RBPJ: variants seen among roughly 807,000 people sequenced by gnomAD.
The protein encoded by RBPJ is recombination signal binding protein for immunoglobulin kappa J region, also known as recombining binding protein suppressor of hairless.
In RBPJ, 9 loss-of-function variants were observed where a neutral mutation model predicts 67.8. The ratio of observed to expected loss-of-function variants is 0.13; its 90% CI spans 0.08 to 0.23. The LOEUF (loss-of-function observed/expected upper bound fraction) is 0.23, where lower values mean the gene tolerates loss of function less well. Among genes scored for constraint, RBPJ ranks in the 10% least tolerant of loss-of-function variants. The pLI is 1.00. For missense variants in RBPJ, 305 were observed against 595.6 expected, an observed-to-expected ratio of 0.51 and a Z score of 5.08; for synonymous variants, 198 against 203.3, an observed-to-expected ratio of 0.97 and a Z score of 0.22.
At chr4:26,293,487 T>G (rs1721745660) in intron 1 of RBPJ, among the ~76,000 whole-genome samples, 1 of 149,628 alleles carries the variant, frequency 6.7e-6, no homozygotes, top group Non-Finnish European at 1.5e-5. Context: ...TTTTTTTTAA[T>G]TAGCCAAGTC....
chr4:26,383,951 C>G (rs1326839618), intron 1 of RBPJ: 2 of 152,312 alleles, frequency 1.3e-5, no homozygotes, highest in Non-Finnish European at 1.5e-5. Context: ...CCTCGACTTC[C>G]TGGACTCAAG....
intron 1 of RBPJ, among the ~76,000 whole-genome samples, chr4:26,175,401 G>C (rs1199448530): frequency 1.3e-5 from 2 of 152,136 alleles, no homozygotes; most frequent in African/African-American, 4.8e-5. Context: ...GAGTCTGGGG[G>C]AGGCAGCAGG....
At chr4:26,428,886 T>C in intron 8 of RBPJ, 26 bp downstream of exon 8, 1 of 1,569,926 alleles carries the variant, frequency 6.4e-7, no homozygotes, top group Non-Finnish European at 8.8e-7. Context: ...ACTGGTGAAA[T>C]CTAAAATGTA....
intron 1 of RBPJ, among the ~76,000 whole-genome samples, chr4:26,250,407 C>T (rs1720072063): frequency 7.0e-6 from 1 of 142,398 alleles, no homozygotes. Context: ...TCTCGGCTTA[C>T]TGTAACCTCC....
intron 1 of RBPJ, among the ~76,000 whole-genome samples, chr4:26,173,925 G>A (rs1401963038): frequency 6.6e-6 from 1 of 152,172 alleles, no homozygotes; most frequent in Non-Finnish European, 1.5e-5. Flanking sequence ...GGAGAGGTGT[G>A]TACAAAGTAC....
the RBPJ span, among the ~76,000 whole-genome samples, chr4:26,153,225 T>C: frequency 6.6e-6 from 1 of 152,232 alleles, no homozygotes; most frequent in South Asian, 2.1e-4. Flanking sequence ...TTCCTGACTC[T>C]GAATGTAGAT....
At chr4:26,339,931 A>G (rs768983914) in intron 1 of RBPJ, among the ~76,000 whole-genome samples, 8 of 151,950 alleles carry the variant, frequency 5.3e-5, no homozygotes, top group Non-Finnish European at 1.0e-4. Flanking sequence ...AGGCAGGAGA[A>G]TTGCTTGAAC....
At chr4:26,169,465 G>A (rs549801981) in intron 1 of RBPJ, among the ~76,000 whole-genome samples, 6 of 152,318 alleles carry the variant, frequency 3.9e-5, no homozygotes, top group African/African-American at 1.4e-4. Context: ...GCCGTGTGAG[G>A]TGTCAGTCTG....
chr4:26,320,797 C>A (rs1449821459), upstream of RBPJ: 1 of 1,556,264 alleles, frequency 6.4e-7, no homozygotes, highest in Admixed American at 2.0e-5. Flanking sequence ...GAGCCGCCTG[C>A]GCATGCTCCA....
At chr4:26,411,055 C>A (rs75074434) in intron 3 of RBPJ, among the ~76,000 whole-genome samples, 7,134 of 152,202 alleles carry the variant, frequency 0.047, 242 homozygotes, top group East Asian at 0.073. Flanking sequence ...TACATATTGA[C>A]CAACTGCCCA....
At chr4:26,191,204 TATATATAGAGAGAGAG>T (rs1306143679) in intron 1 of RBPJ, among the ~76,000 whole-genome samples, 173 of 31,828 alleles carry the variant, frequency 5.4e-3, no homozygotes, top group Middle Eastern at 0.02. Context: ...TATATATATA[TATATATAGAGAGAGAG>T]AGAGAGAGAG....
At chr4:26,357,462 T>G (rs1161271803) in intron 1 of RBPJ, among the ~76,000 whole-genome samples, 4 of 152,108 alleles carry the variant, frequency 2.6e-5, no homozygotes, top group African/African-American at 7.2e-5. Context: ...GTTCGATTTA[T>G]AAAACAAAGG....
At chr4:26,187,143 G>A (rs1203721045) in intron 1 of RBPJ, among the ~76,000 whole-genome samples, 3 of 152,158 alleles carry the variant, frequency 2.0e-5, no homozygotes, top group African/African-American at 7.2e-5. Flanking sequence ...GATTGCTTGA[G>A]CCCGGGAAGT....
At chr4:26,121,994 A>G in the RBPJ span, among the ~76,000 whole-genome samples, 63,069 of 150,512 alleles carry the variant, frequency 0.42, 13,870 homozygotes, top group Non-Finnish European at 0.46. Flanking sequence ...TTCTTCACCT[A>G]GCCATTCAAA....
At chr4:26,321,351 A>T (rs1037688077) in intron 1 of RBPJ, 1 of 149,978 alleles carries the variant, frequency 6.7e-6, no homozygotes, top group African/African-American at 2.4e-5. Flanking sequence ...GCGCGCCTCC[A>T]GCGGGCTCTG....
At chr4:26,210,060 T>C (rs1483674107) in intron 1 of RBPJ, among the ~76,000 whole-genome samples, 1 of 152,148 alleles carries the variant, frequency 6.6e-6, no homozygotes, top group Non-Finnish European at 1.5e-5. Flanking sequence ...AACTATTGGA[T>C]TGATTTTGCT....
intron 1 of RBPJ, among the ~76,000 whole-genome samples, chr4:26,382,606 AG>A (rs1352930388): frequency 6.6e-6 from 1 of 152,204 alleles, no homozygotes; most frequent in Non-Finnish European, 1.5e-5. Context: ...GCAGTGGCTC[AG>A]TCACAACTCA....
chr4:26,304,171 A>G (rs1229853213), intron 1 of RBPJ, among the ~76,000 whole-genome samples: 1 of 152,210 alleles, frequency 6.6e-6, no homozygotes, highest in Non-Finnish European at 1.5e-5. Flanking sequence ...TCCATGTTGT[A>G]GTGTGTTTCA....
At chr4:26,116,228 A>C in the RBPJ span, among the ~76,000 whole-genome samples, 1 of 152,252 alleles carries the variant, frequency 6.6e-6, no homozygotes, top group East Asian at 1.9e-4. Flanking sequence ...CGCAGGCTGC[A>C]TTGAGCTGAC....
Sources: gnomAD v4.1 joint callset for allele counts (sites outside exome capture counted in the v4.1 genomes callset) on GRCh38, gnomAD v4.1.1 for gene constraint, MANE v1.5 for transcripts, NCBI Gene and HGNC (gene_info 2026-07-23, HGNC 2026-07-21) for gene names.